OR51L1: variants seen among roughly 807,000 people sequenced by gnomAD.
OR51L1 encodes olfactory receptor family 51 subfamily L member 1.
A neutral mutation model predicts 1.4 loss-of-function variants in OR51L1; 1 was observed. The observed-to-expected ratio is 0.72, with a 90% CI of 0.26 to 3.42. The LOEUF (loss-of-function observed/expected upper bound fraction) is 3.42, where lower values mean the gene tolerates loss of function less well. Among genes scored for constraint, OR51L1 ranks in the 30% most tolerant of loss-of-function variants. OR51L1 has a pLI of 0.20. For missense variants in OR51L1, 378 were observed against 380.0 expected (o/e 0.99, Z 0.04); for synonymous variants, 156 against 144.2 (o/e 1.08, Z -0.59).
chr11:5,002,505 G>C lies in OR51L1; in HGVS notation c.*2575G>C, dbSNP rs1222464981. 6.6e-6 allele frequency: 1 copy of C among 152,046 alleles called. No homozygotes were observed. Among genetic ancestry groups the C allele is most frequent in the East Asian group, 1.9e-4 (1 of 5,194 alleles). The allele number at this position is 152,046 out of a possible 1,614,324, so 9.4% of individuals were successfully genotyped here. A position where few individuals can be genotyped will look rare whatever the true frequency, so the allele number is the denominator to read the frequency against. The stretch of plus-strand genomic sequence containing the variant: ...TCAGCCCCATTTCAATGAAAGACTT[G>C]TAGCCCCAGCTGCTGGCAGTAAGTC... On this transcript the variant is annotated 3_prime_UTR_variant, in exon 3 of 3. Coordinates refer to ENST00000641819, the MANE Select transcript of OR51L1 (RefSeq NM_001004755.2).
rs1847076188 is a variant in OR51L1 at position 4,996,757 on chromosome 11, C to CTTTCTT, written c.-261-723_-261-718dup. 3.9e-5 allele frequency among the ~76,000 whole-genome samples: 5 copies of CTTTCTT among 127,612 alleles called. No individual in the cohort carries two copies. The South Asian group carries it at 1.3e-3, about 32-fold the overall frequency. 83.7% of individuals were successfully genotyped at this position (127,612 alleles called of 152,430 possible). Reference sequence around the variant, plus strand: ...TCTTTCTTTCTTTCTTTCTTTCTTTCTTTCTTTCTTTCATTTCTCTCTCTC... The same window carrying CTTTCTT: ...TCTTTCTTTCTTTCTTTCTTTCTTTCTTTCTTTTTCTTTCTTTCATTTCTCTCTCTC... On this transcript the variant is annotated intron_variant, in intron 1 of 2. Transcript: ENST00000641819.
rs1047396311 is a variant in OR51L1 at position 5,001,897 on chromosome 11, G to T, written c.*1967G>T. 1.3e-5 allele frequency: 2 copies of T among 152,134 alleles called. No homozygotes were observed. Among genetic ancestry groups the T allele is most frequent in the African/African-American group, 4.8e-5 (2 of 41,410 alleles). The allele number at this position is 152,134 out of a possible 1,614,324, so 9.4% of individuals were successfully genotyped here. On this transcript the variant is annotated 3_prime_UTR_variant, in exon 3 of 3. Coordinates refer to ENST00000641819, the MANE Select transcript of OR51L1 (RefSeq NM_001004755.2). Reference sequence around the variant, plus strand: ...ATGCATAACGTTAATGTTAAATAATGAATGTTTAATAGTGAAGATACATAG... The same window carrying T: ...ATGCATAACGTTAATGTTAAATAATTAATGTTTAATAGTGAAGATACATAG...
intron 1 of OR51L1, among the ~76,000 whole-genome samples, chr11:4,997,267 A>G (rs975357122): frequency 1.5e-4 from 23 of 152,126 alleles, no homozygotes; most frequent in African/African-American, 5.6e-4. Flanking sequence ...TTGGAATTCT[A>G]AGTTGTGCCA....
intron 1 of OR51L1, among the ~76,000 whole-genome samples, chr11:4,996,315 C>CAT (rs56098195): frequency 0.13 from 20,120 of 151,276 alleles, 1,544 homozygotes; most frequent in Admixed American, 0.26. Flanking sequence ...TATGTATATG[C>CAT]ATATATATAT....
At chr11:4,995,400 G>A (rs1847059411) in intron 1 of OR51L1, 65 bp downstream of exon 1, 1 of 152,012 alleles carries the variant, frequency 6.6e-6, no homozygotes, top group Non-Finnish European at 1.5e-5. Flanking sequence ...TGTGGATATA[G>A]TTTGCTAAAG....
At position 5,002,251 on chromosome 11, in the gene OR51L1, C is replaced by A. The variant is rs1000034557; in HGVS notation, c.*2321C>A. 6.6e-6 allele frequency: 1 copy of A among 152,140 alleles called. No individual in the cohort carries two copies. Among genetic ancestry groups the A allele is most frequent in the Non-Finnish European group, 1.5e-5 (1 of 68,030 alleles). The allele number at this position is 152,140 out of a possible 1,614,324, so 9.4% of individuals were successfully genotyped here. A position where few individuals can be genotyped will look rare whatever the true frequency, so the allele number is the denominator to read the frequency against. On this transcript the variant is annotated 3_prime_UTR_variant, in exon 3 of 3. Transcript: ENST00000641819. ...ACAGAAATTGGTAAACATTATATAT[C>A]AGGACTTGAAATTTTTTCTTAGAGA...
intron 2 of OR51L1, 45 bp downstream of exon 2, chr11:4,997,628 G>A (rs1293146943): frequency 6.6e-6 from 1 of 152,094 alleles, no homozygotes; most frequent in Non-Finnish European, 1.5e-5. Context: ...AACTAGACAG[G>A]GTTAAAATAA....
rs946906501 is a variant in OR51L1, at chr11:5,003,286, A to C, written c.*3356A>C. 4.1e-4 allele frequency: 62 copies of C among 151,878 alleles called. No individual in the cohort carries two copies. Among genetic ancestry groups the C allele is most frequent in the African/African-American group, 1.4e-3 (58 of 41,308 alleles). The allele number at this position is 151,878 out of a possible 1,614,324, so 9.4% of individuals were successfully genotyped here. A position where few individuals can be genotyped will look rare whatever the true frequency, so the allele number is the denominator to read the frequency against. On this transcript the variant is annotated 3_prime_UTR_variant, in exon 3 of 3. Coordinates refer to ENST00000641819, the MANE Select transcript of OR51L1 (RefSeq NM_001004755.2). ...CATGCACAGTGCCCTCCTTACCCTT[A>C]GGAAGTGAGCATGCACAGTGTGTTT...
At position 5,000,130 on chromosome 11, in the gene OR51L1, T is replaced by A. The variant is rs1043747652; in HGVS notation, c.*200T>A. On this transcript the variant is annotated 3_prime_UTR_variant, in exon 3 of 3. Transcript: ENST00000641819. ...AATTGTGACAACTATGGCCTTACGT[T>A]GTCCCCAGGTCATTACAAGACTTAT... is the stretch of plus-strand genomic sequence containing the variant. The A allele has an allele frequency of 3.7e-6, 2 of 536,390 alleles. No individual in the cohort carries two copies. The highest frequency in any genetic ancestry group is 1.9e-5 in the African/African-American group (1 of 53,152). The allele number at this position is 536,390 out of a possible 1,614,324, so 33.2% of individuals were successfully genotyped here.
chr11:4,995,533 ATT>A (rs1463209355), intron 1 of OR51L1, among the ~76,000 whole-genome samples, 198 bp downstream of exon 1: 1 of 152,096 alleles, frequency 6.6e-6, no homozygotes. Context: ...ATTTTCAGCG[ATT>A]TTAAGATAAG....
In OR51L1 at chr11:5,005,372, G is replaced by A. The variant is rs1214382388; in HGVS notation, c.*5442G>A. ...TTACTGAACACTAACTGAAGTCTCA[G>A]GAATGTAACTATTTCCCCTACTGCC... On this transcript the variant is annotated 3_prime_UTR_variant, in exon 3 of 3. Transcript: ENST00000641819. 1 of 152,142 alleles carries A rather than the reference G, an allele frequency of 6.6e-6. No homozygotes were observed. Among genetic ancestry groups the A allele is most frequent in the African/African-American group, 2.4e-5 (1 of 41,426 alleles). The allele number at this position is 152,142 out of a possible 1,614,324, so 9.4% of individuals were successfully genotyped here.
In OR51L1 at chr11:4,995,936, G is replaced by A. The variant is rs190142562; in HGVS notation, c.-262+601G>A. Among the ~76,000 whole-genome samples the A allele has an allele frequency of 6.6e-5, 10 of 152,146 alleles. No individual in the cohort carries two copies. The East Asian group carries it at 7.7e-4, about 12-fold the overall frequency. The stretch of plus-strand genomic sequence containing the variant: ...TAGAAACGGGAAAGGGGCTTAGGGG[G>A]CCCGGGTAGTGGAGGAAATGCGGAA... On this transcript the variant is annotated intron_variant, in intron 1 of 2. Transcript: ENST00000641819.
At chr11:4,996,694 TTTCTTTTCCTTCCTTCCTTTCTTTTC>T (rs1564822164) in intron 1 of OR51L1, among the ~76,000 whole-genome samples, 147 of 132,252 alleles carry the variant, frequency 1.1e-3, no homozygotes, top group African/African-American at 4.1e-3. Flanking sequence ...TTTCTTTTTC[TTTCTTTTCCTTCCTTCCTTTCTTTTC>T]TTTTCTTTCT....
At position 4,995,242 on chromosome 11, in the gene OR51L1, A is replaced by G. The variant is rs1847058296; in HGVS notation, c.-355A>G. 6.6e-6 allele frequency: 1 copy of G among 152,140 alleles called. No individual in the cohort carries two copies. Among genetic ancestry groups the G allele is most frequent in the Non-Finnish European group, 1.5e-5 (1 of 67,998 alleles). 9.4% of individuals were successfully genotyped at this position (152,140 alleles called of 1,614,324 possible). ...AGTGAAGAAAAGTTTAGTCAGAGAA[A>G]GACAAAATGGAACTGTGGATCATTT... On this transcript the variant is annotated 5_prime_UTR_variant, in exon 1 of 3. Coordinates refer to ENST00000641819, the MANE Select transcript of OR51L1 (RefSeq NM_001004755.2).
chr11:4,997,361 T>A (rs1392780248), intron 1 of OR51L1, 121 bp from the exon 2 acceptor site: 1 of 152,152 alleles, frequency 6.6e-6, no homozygotes, highest in Admixed American at 6.6e-5. Context: ...TTATTAAATA[T>A]AATGGAGATA....
chr11:4,999,160 C>A lies in OR51L1; in HGVS notation c.178C>A (p.Pro60Thr). The change falls in exon 3 of 3, where the codon CCC becomes ACC. Residue 60 changes from proline to threonine, a missense_variant. Pro to Thr is a conservative substitution (Grantham distance 38). Coordinates refer to ENST00000641819, the MANE Select transcript of OR51L1 (RefSeq NM_001004755.2). Reference sequence around the variant, plus strand: ...TTGGATAGAATCCTCTCTCCATCAGCCCATGTATTACTTTATTTCCATCTT... The same window carrying A: ...TTGGATAGAATCCTCTCTCCATCAGACCATGTATTACTTTATTTCCATCTT... The part of the protein sequence containing the change: ...VIWIESSLHQ[P>T]MYYFISILAV... 1 of 1,613,746 alleles carries A rather than the reference C, an allele frequency of 6.2e-7. No individual in the cohort carries two copies. Among genetic ancestry groups the A allele is most frequent in the East Asian group, 2.2e-5 (1 of 44,874 alleles).
At chr11:4,996,721 T>TTTCTTTCTTTCTTTCTTTC (rs1554896493) in intron 1 of OR51L1, among the ~76,000 whole-genome samples, 60 of 106,348 alleles carry the variant, frequency 5.6e-4, no homozygotes, top group Non-Finnish European at 6.8e-4. Flanking sequence ...CTTTCTTTTC[T>TTTCTTTCTTTCTTTCTTTC]TTTCTTTCTT....
chr11:4,995,874 C>A (rs1303997538), intron 1 of OR51L1, among the ~76,000 whole-genome samples: 2 of 151,872 alleles, frequency 1.3e-5, no homozygotes, highest in East Asian at 3.9e-4. Flanking sequence ...ACAGATATGG[C>A]AGTGAGAGGA....
chr11:5,004,658 A>G lies in OR51L1; in HGVS notation c.*4728A>G, dbSNP rs1490268946. The G allele has an allele frequency of 6.6e-6, 1 of 152,122 alleles. No homozygotes were observed. 9.4% of individuals were successfully genotyped at this position (152,122 alleles called of 1,614,324 possible). On this transcript the variant is annotated 3_prime_UTR_variant, in exon 3 of 3. Coordinates refer to ENST00000641819, the MANE Select transcript of OR51L1 (RefSeq NM_001004755.2). The stretch of plus-strand genomic sequence containing the variant: ...CTGCTGGCCAAGTTTAACATCATGA[A>G]TCTGTGAAGGAAAAAATGTCCATTG...
Sources: allele counts gnomAD v4.1 joint callset (sites outside exome capture counted in the v4.1 genomes callset), GRCh38; gene constraint gnomAD v4.1.1; transcripts MANE v1.5; gene names NCBI Gene and HGNC (gene_info 2026-07-23, HGNC 2026-07-21).